PTPRO: variants seen among roughly 807,000 people sequenced by gnomAD.
PTPRO encodes the protein receptor-type tyrosine-protein phosphatase O.
A neutral mutation model predicts 145.2 loss-of-function variants in PTPRO; 62 were observed. The observed-to-expected ratio is 0.43, with a 90% confidence interval of 0.35 to 0.53. The LOEUF is 0.53. PTPRO is among the 20% of genes least tolerant of loss of function. The pLI is 0.01. For synonymous variants in PTPRO, 565 were observed against 514.7 expected, an observed-to-expected ratio of 1.10 and a Z score of -1.32; for missense variants, 1,345 against 1,482.7, an observed-to-expected ratio of 0.91 and a Z score of 1.53.
intron 6 of PTPRO, among the ~76,000 whole-genome samples, chr12:15,506,649 C>G (rs770689688): frequency 6.6e-6 from 1 of 152,108 alleles, no homozygotes; most frequent in Non-Finnish European, 1.5e-5. Context: ...AGAACTCGCT[C>G]ATTGTCTTGA....
At chr12:15,341,753 C>T (rs1866995747) in intron 1 of PTPRO, among the ~76,000 whole-genome samples, 1 of 152,104 alleles carries the variant, frequency 6.6e-6, no homozygotes, top group South Asian at 2.1e-4. Context: ...GTATGTGCCT[C>T]AGGTAAGAGA....
At chr12:15,432,934 C>G (rs1940484594) in intron 1 of PTPRO, among the ~76,000 whole-genome samples, 1 of 152,116 alleles carries the variant, frequency 6.6e-6, no homozygotes, top group East Asian at 1.9e-4. Context: ...AAATTTTCCT[C>G]CCATTCTGTA....
At chr12:15,372,822 A>C (rs1466581670) in intron 1 of PTPRO, among the ~76,000 whole-genome samples, 1 of 152,172 alleles carries the variant, frequency 6.6e-6, no homozygotes, top group Non-Finnish European at 1.5e-5. Flanking sequence ...TTTCCCCTAT[A>C]GTAGACTGAG....
At chr12:15,518,729 C>T (rs746457692) in intron 9 of PTPRO, among the ~76,000 whole-genome samples, 1 of 152,152 alleles carries the variant, frequency 6.6e-6, no homozygotes, top group South Asian at 2.1e-4. Flanking sequence ...AAAATGCTGC[C>T]AGTGTCTTTG....
chr12:15,377,555 A>G (rs550833288), intron 1 of PTPRO, among the ~76,000 whole-genome samples: 1 of 152,170 alleles, frequency 6.6e-6, no homozygotes, highest in African/African-American at 2.4e-5. Flanking sequence ...ATAGTTGGAG[A>G]ATTCAGTATC....
intron 1 of PTPRO, among the ~76,000 whole-genome samples, chr12:15,421,816 T>C (rs1466593803): frequency 3.3e-5 from 5 of 152,196 alleles, no homozygotes; most frequent in African/African-American, 1.2e-4. Flanking sequence ...TGTTAAATTC[T>C]GGAGTGGCTT....
At chr12:15,332,402 G>C (rs1193442993) in intron 1 of PTPRO, among the ~76,000 whole-genome samples, 3 of 152,144 alleles carry the variant, frequency 2.0e-5, no homozygotes, top group Admixed American at 6.5e-5. Context: ...ATAAAACACT[G>C]ATGTTCAGGA....
chr12:15,590,189 TTCC>T (rs935694753), intron 25 of PTPRO, among the ~76,000 whole-genome samples: 6 of 152,196 alleles, frequency 3.9e-5, no homozygotes, highest in Admixed American at 3.9e-4. Context: ...GTGCTCCGTC[TTCC>T]TCCTCTTCTC....
chr12:15,584,020 A>G (rs181134307), intron 23 of PTPRO, among the ~76,000 whole-genome samples: 47 of 151,772 alleles, frequency 3.1e-4, no homozygotes, highest in Admixed American at 4.6e-4. Context: ...CTTAAGTGTC[A>G]CCCCCTTTGT....
intron 19 of PTPRO, among the ~76,000 whole-genome samples, chr12:15,572,723 T>A (rs1024429083): frequency 2.6e-5 from 4 of 152,152 alleles, no homozygotes; most frequent in East Asian, 1.9e-4. Context: ...TGCTTTTTTT[T>A]AAGTACATTT....
chr12:15,467,624 A>G (rs1941446817), intron 1 of PTPRO, among the ~76,000 whole-genome samples: 1 of 152,138 alleles, frequency 6.6e-6, no homozygotes, highest in Non-Finnish European at 1.5e-5. Flanking sequence ...CCATACTCTA[A>G]CCAGAGGGAC....
chr12:15,350,245 C>G (rs745546504), intron 1 of PTPRO, among the ~76,000 whole-genome samples: 1 of 152,164 alleles, frequency 6.6e-6, no homozygotes. Flanking sequence ...ACGCTGACTA[C>G]CAGACTGGGG....
chr12:15,548,693 C>G (rs1442088788), intron 13 of PTPRO, among the ~76,000 whole-genome samples: 1 of 152,076 alleles, frequency 6.6e-6, no homozygotes, highest in Non-Finnish European at 1.5e-5. Flanking sequence ...GTCCTTTCAA[C>G]GGATTTCTGT....
chr12:15,390,963 C>A (rs1939173402), intron 1 of PTPRO, among the ~76,000 whole-genome samples: 1 of 152,170 alleles, frequency 6.6e-6, no homozygotes, highest in South Asian at 2.1e-4. Flanking sequence ...AGACAGCTGT[C>A]TTCTTGCTAT....
intron 23 of PTPRO, among the ~76,000 whole-genome samples, chr12:15,583,322 A>T (rs1444472171): frequency 6.6e-6 from 1 of 152,076 alleles, no homozygotes. Flanking sequence ...CTGACTAAAA[A>T]TTCAAAAATT....
At chr12:15,593,364 TAGAGAAACTCTGGGAAAC>T (rs1944592869) in intron 25 of PTPRO, among the ~76,000 whole-genome samples, 1 of 152,222 alleles carries the variant, frequency 6.6e-6, no homozygotes, top group African/African-American at 2.4e-5. Flanking sequence ...CTATTACTTA[TAGAGAAACTCTGGGAAAC>T]AAAGAAAAAG....
At chr12:15,591,978 G>A (rs1944563507) in intron 25 of PTPRO, among the ~76,000 whole-genome samples, 1 of 152,152 alleles carries the variant, frequency 6.6e-6, no homozygotes, top group Non-Finnish European at 1.5e-5. Flanking sequence ...CAGCAAAGGG[G>A]GCAGAGGTTC....
intron 19 of PTPRO, among the ~76,000 whole-genome samples, chr12:15,573,412 C>A (rs896368089): frequency 6.6e-6 from 1 of 152,128 alleles, no homozygotes; most frequent in African/African-American, 2.4e-5. Context: ...TGGTGTTTGG[C>A]CAAGCAACTG....
intron 24 of PTPRO, among the ~76,000 whole-genome samples, chr12:15,588,721 C>G (rs1944481819): frequency 6.6e-6 from 1 of 152,112 alleles, no homozygotes; most frequent in Admixed American, 6.5e-5. Context: ...ATGGACATCT[C>G]AACTGGAGTT....
Sources: allele counts gnomAD v4.1 joint callset (sites outside exome capture counted in the v4.1 genomes callset), GRCh38; gene constraint gnomAD v4.1.1; transcripts MANE v1.5; gene names NCBI Gene and HGNC (gene_info 2026-07-23, HGNC 2026-07-21).